ADK: variants seen among roughly 807,000 people sequenced by gnomAD.
ADK encodes the protein adenosine kinase, also known as N6,N6-dimethyladenosine kinase.
In ADK, 24 loss-of-function variants were observed where a neutral mutation model predicts 44.7. The ratio of observed to expected loss-of-function variants is 0.54; its 90% CI spans 0.39 to 0.76. ADK has a LOEUF of 0.76. Ranked by LOEUF, ADK falls within the 30% of genes least tolerant of loss-of-function variation. ADK has a pLI of 0.00. For synonymous variants in ADK, 128 were observed against 142.6 expected (o/e 0.90, Z 0.73); for missense variants, 321 against 425.1 (o/e 0.76, Z 2.15).
intron 2 of ADK, among the ~76,000 whole-genome samples, chr10:74,205,776 CAAAGAA>C (rs1843574545): frequency 6.7e-6 from 1 of 148,422 alleles, no homozygotes; most frequent in Non-Finnish European, 1.5e-5. Flanking sequence ...TCTCAATAGA[CAAAGAA>C]AAACCTTTTG....
At chr10:74,694,146 C>CTTTTTTT (rs1266786094) in intron 10 of ADK, among the ~76,000 whole-genome samples, 3 of 36,308 alleles carry the variant, frequency 8.3e-5, no homozygotes, top group Non-Finnish European at 1.5e-4. Context: ...TTTTCAAACA[C>CTTTTTTT]ATTTTTTTTT....
chr10:74,700,401 C>T (rs1653458134), intron 10 of ADK, among the ~76,000 whole-genome samples: 1 of 152,100 alleles, frequency 6.6e-6, no homozygotes, highest in African/African-American at 2.4e-5. Context: ...CGCCACCACA[C>T]CCGGCTAATT....
At chr10:74,469,892 C>CTT (rs1262133504) in intron 6 of ADK, among the ~76,000 whole-genome samples, 1 of 152,052 alleles carries the variant, frequency 6.6e-6, no homozygotes, top group African/African-American at 2.4e-5. Context: ...TTATGGCTGG[C>CTT]TTTTTATGGC....
chr10:74,182,339 CAG>C (rs887938748), intron 1 of ADK, among the ~76,000 whole-genome samples: 23 of 105,542 alleles, frequency 2.2e-4, no homozygotes, highest in African/African-American at 7.0e-4. Flanking sequence ...AGAAGTAAAA[CAG>C]AAATCTTTTT....
chr10:74,308,995 T>C (rs895709324), intron 3 of ADK, among the ~76,000 whole-genome samples: 19 of 152,168 alleles, frequency 1.2e-4, no homozygotes, highest in African/African-American at 4.6e-4. Flanking sequence ...GACATTTTCC[T>C]GTTCATAATT....
At chr10:74,330,140 C>T (rs1841168534) in intron 4 of ADK, among the ~76,000 whole-genome samples, 1 of 152,118 alleles carries the variant, frequency 6.6e-6, no homozygotes, top group Non-Finnish European at 1.5e-5. Context: ...TGCATTCCAG[C>T]CTAGGCAACA....
chr10:74,694,147 A>ATTTTTTTTTTTTTTTTTTTTTTTTTTTT (rs10669118), intron 10 of ADK, among the ~76,000 whole-genome samples: 1 of 82,304 alleles, frequency 1.2e-5, no homozygotes, highest in African/African-American at 4.9e-5. Flanking sequence ...TTTCAAACAC[A>ATTTTTTTTTTTTTTTTTTTTTTTTTTTT]TTTTTTTTTT....
intron 6 of ADK, among the ~76,000 whole-genome samples, chr10:74,408,356 G>A (rs185859339): frequency 2.0e-5 from 3 of 152,116 alleles, no homozygotes; most frequent in Non-Finnish European, 2.9e-5. Context: ...AGTTTTCCTC[G>A]AACAATGTAT....
chr10:74,687,950 C>A (rs753225041), intron 10 of ADK, among the ~76,000 whole-genome samples: 6 of 152,180 alleles, frequency 3.9e-5, no homozygotes, highest in African/African-American at 7.2e-5. Flanking sequence ...TGAATTATTT[C>A]ATTCCCCTGC....
chr10:74,691,711 C>CT (rs11377715), intron 10 of ADK, among the ~76,000 whole-genome samples: 122,413 of 152,082 alleles, frequency 0.8, 49,612 homozygotes, highest in African/African-American at 0.89. Context: ...TGACAAAGCA[C>CT]GCAACAGATC....
chr10:74,309,859 C>T lies in ADK; in HGVS notation c.195-4808C>T, dbSNP rs150074477. On this transcript the variant is annotated intron_variant, in intron 3 of 10. Coordinates refer to ENST00000539909, the MANE Select transcript of ADK (RefSeq NM_006721.4). ...AAGGACATCCCGTATTATATTTCAG[C>T]TTTCATAAACTATAAGTGTTTATGT... Among the ~76,000 whole-genome samples, 509 of 152,150 alleles carry T rather than the reference C, an allele frequency of 3.3e-3. 3 individuals carry two copies. The highest frequency in any genetic ancestry group is 0.012 in the African/African-American group (480 of 41,540).
intron 6 of ADK, among the ~76,000 whole-genome samples, chr10:74,482,212 G>A (rs527926154): frequency 1.3e-5 from 2 of 152,154 alleles, no homozygotes; most frequent in Non-Finnish European, 2.9e-5. Flanking sequence ...GGCTGGGGAG[G>A]CCTCAGGAAA....
intron 3 of ADK, among the ~76,000 whole-genome samples, chr10:74,273,359 C>T (rs752252115): frequency 5.9e-5 from 9 of 152,160 alleles, no homozygotes; most frequent in African/African-American, 2.2e-4. Context: ...GATATACCAC[C>T]AGAGATCTGC....
At chr10:74,368,873 C>G (rs1473313259) in intron 4 of ADK, among the ~76,000 whole-genome samples, 1 of 152,150 alleles carries the variant, frequency 6.6e-6, no homozygotes, top group African/African-American at 2.4e-5. Flanking sequence ...AGTGATCTGC[C>G]TGCCTTAGCC....
intron 6 of ADK, among the ~76,000 whole-genome samples, chr10:74,415,246 A>G (rs1283466989): frequency 6.6e-6 from 1 of 152,252 alleles, no homozygotes; most frequent in Non-Finnish European, 1.5e-5. Context: ...GAATTAACAA[A>G]TCATCTACTG....
chr10:74,505,075 CA>C (rs1848012839), intron 6 of ADK, among the ~76,000 whole-genome samples: 1 of 152,094 alleles, frequency 6.6e-6, no homozygotes, highest in East Asian at 1.9e-4. Flanking sequence ...CTTCCTGTCT[CA>C]GGGGTAGCAG....
chr10:74,223,185 C>T (rs1236307078), intron 2 of ADK, among the ~76,000 whole-genome samples: 1 of 152,098 alleles, frequency 6.6e-6, no homozygotes, highest in African/African-American at 2.4e-5. Context: ...GATAGTGACT[C>T]TACAGATTCC....
intron 7 of ADK, among the ~76,000 whole-genome samples, chr10:74,561,382 G>A (rs1850451623): frequency 6.6e-6 from 1 of 152,180 alleles, no homozygotes; most frequent in African/African-American, 2.4e-5. Context: ...GTTTTGGATA[G>A]GGAAGGAAAG....
intron 9 of ADK, among the ~76,000 whole-genome samples, chr10:74,606,512 C>G (rs923964168): frequency 2.0e-5 from 3 of 152,136 alleles, no homozygotes; most frequent in Non-Finnish European, 4.4e-5. Flanking sequence ...CATTCAGGAG[C>G]AGATTGTTCA....
Sources: allele counts gnomAD v4.1 joint callset (sites outside exome capture counted in the v4.1 genomes callset), GRCh38; gene constraint gnomAD v4.1.1; transcripts MANE v1.5; gene names NCBI Gene and HGNC (gene_info 2026-07-23, HGNC 2026-07-21).